Variants in STX18 observed in about 807,000 individuals in gnomAD.
STX18 encodes syntaxin 18, also known as syntaxin-18.
In STX18, 40 loss-of-function variants were observed where a neutral mutation model predicts 50.1. The ratio of observed to expected loss-of-function variants is 0.80; its 90% CI spans 0.62 to 1.04. The LOEUF is 1.04. Ranked by LOEUF, STX18 falls within the 50% of genes least tolerant of loss-of-function variation. The pLI is 0.00. For synonymous variants in STX18, 158 were observed against 151.8 expected, an observed-to-expected ratio of 1.04 and a Z score of -0.30; for missense variants, 410 against 415.8, an observed-to-expected ratio of 0.99 and a Z score of 0.12.
intron 1 of STX18, among the ~76,000 whole-genome samples, chr4:4,476,470 G>C (rs1728180929): frequency 7.9e-5 from 12 of 152,118 alleles, no homozygotes; most frequent in Admixed American, 6.5e-4. Context: ...AACCATTACG[G>C]GGAACTAGCA....
At chr4:4,477,837 A>C (rs553027218) in intron 1 of STX18, 1 of 152,290 alleles carries the variant, frequency 6.6e-6, no homozygotes, top group African/African-American at 2.4e-5. Context: ...ATCTCTATTC[A>C]ACATGCAGTA....
intron 2 of STX18, among the ~76,000 whole-genome samples, chr4:4,468,864 G>A (rs1727759155): frequency 6.6e-6 from 1 of 152,140 alleles, no homozygotes; most frequent in Non-Finnish European, 1.5e-5. Context: ...TAGTCTCAAA[G>A]TGGAAACAGC....
chr4:4,450,288 A>G (rs1230705309), intron 5 of STX18, among the ~76,000 whole-genome samples: 1 of 151,918 alleles, frequency 6.6e-6, no homozygotes, highest in Non-Finnish European at 1.5e-5. Context: ...TTCCCCTTTC[A>G]CTTCTCCTAT....
chr4:4,430,739 CCTT>C (rs2108779177), intron 7 of STX18, among the ~76,000 whole-genome samples: 1 of 152,274 alleles, frequency 6.6e-6, no homozygotes, highest in Non-Finnish European at 1.5e-5. Flanking sequence ...ATGGCAGTAT[CCTT>C]CTGGTGGGAG....
chr4:4,443,447 C>T (rs1726224331), intron 5 of STX18, among the ~76,000 whole-genome samples: 1 of 152,224 alleles, frequency 6.6e-6, no homozygotes, highest in African/African-American at 2.4e-5. Flanking sequence ...TAGCATCATA[C>T]TTTATGATGA....
intron 1 of STX18, among the ~76,000 whole-genome samples, chr4:4,486,589 G>A (rs1728709829): frequency 6.6e-6 from 1 of 152,070 alleles, no homozygotes; most frequent in East Asian, 1.9e-4. Flanking sequence ...GGTACCCCTA[G>A]GATTCCTCTT....
chr4:4,437,055 G>A (rs1225917573), intron 6 of STX18, among the ~76,000 whole-genome samples: 3 of 149,238 alleles, frequency 2.0e-5, no homozygotes, highest in Admixed American at 6.7e-5. Context: ...CGCCTCCCAG[G>A]TTCAAGTGAT....
At chr4:4,464,787 A>C (rs1727538833) in intron 2 of STX18, among the ~76,000 whole-genome samples, 1 of 151,434 alleles carries the variant, frequency 6.6e-6, no homozygotes, top group Admixed American at 6.6e-5. Context: ...GTTTATTTAA[A>C]TCTTCTCTCT....
intron 5 of STX18, among the ~76,000 whole-genome samples, chr4:4,445,076 G>T (rs1433714499): frequency 6.6e-6 from 1 of 152,052 alleles, no homozygotes; most frequent in Non-Finnish European, 1.5e-5. Flanking sequence ...TTCACATATG[G>T]TATGATTATG....
chr4:4,515,754 T>C (rs1730226489), intron 1 of STX18, among the ~76,000 whole-genome samples: 1 of 152,156 alleles, frequency 6.6e-6, no homozygotes, highest in Non-Finnish European at 1.5e-5. Flanking sequence ...TATTTTTTCC[T>C]AGCACATAAA....
Position 4,420,562 on chromosome 4 carries a change from G to A in STX18, c.912+302C>T, listed in dbSNP as rs1401629210. Reference sequence around the variant, plus strand: ...CTCTGACCCCTCGGTGGGGGCCAACGAGCTACCCATGTACATCCCTGGACA... The same window carrying A: ...CTCTGACCCCTCGGTGGGGGCCAACAAGCTACCCATGTACATCCCTGGACA... On this transcript the variant is annotated intron_variant, in intron 10 of 10. Transcript: ENST00000306200. The surrounding 1 kb of genome is among the most constrained non-coding windows in gnomAD (Gnocchi z 4.3). The A allele has an allele frequency of 4.7e-6, 2 of 428,642 alleles. No homozygotes were observed. The highest frequency in any genetic ancestry group is 4.3e-5 in the East Asian group (1 of 23,318). The allele number at this position is 428,642 out of a possible 1,614,324, so 26.6% of individuals were successfully genotyped here.
At chr4:4,451,083 G>A (rs1469348886) in intron 5 of STX18, among the ~76,000 whole-genome samples, 2 of 152,206 alleles carry the variant, frequency 1.3e-5, no homozygotes, top group Non-Finnish European at 2.9e-5. Context: ...TTGGGGGAAA[G>A]AAAGCAATTT....
chr4:4,503,137 T>C (rs1221851774), intron 1 of STX18, among the ~76,000 whole-genome samples: 1 of 152,192 alleles, frequency 6.6e-6, no homozygotes, highest in Non-Finnish European at 1.5e-5. Context: ...CGGCATGTAA[T>C]TCAGAGGAAG....
intron 7 of STX18, among the ~76,000 whole-genome samples, chr4:4,433,687 T>G (rs1023137981): frequency 6.6e-6 from 1 of 152,086 alleles, no homozygotes; most frequent in Non-Finnish European, 1.5e-5. Context: ...GTAGGTGGGG[T>G]TGCCGGGTCT....
At chr4:4,471,262 C>T (rs991102779) in intron 2 of STX18, among the ~76,000 whole-genome samples, 12 of 152,088 alleles carry the variant, frequency 7.9e-5, no homozygotes, top group Admixed American at 3.9e-4. Context: ...AGACTGGGAC[C>T]GCAAGAGATG....
At position 4,438,527 on chromosome 4, in the gene STX18, G is replaced by C. The variant is rs1560163949; in HGVS notation, c.498-18C>G. On this transcript the variant is annotated intron_variant, in intron 5 of 10. Coordinates refer to ENST00000306200, the MANE Select transcript of STX18 (RefSeq NM_016930.4). The stretch of plus-strand genomic sequence containing the variant: ...GCTTAGATCTAAAAATAAATAATTA[G>C]CAGGCAGGTATTTTATTTCCATAAC... The C allele has an allele frequency of 1.3e-6, 2 of 1,568,234 alleles. No homozygotes were observed. The highest frequency in any genetic ancestry group is 1.7e-6 in the Non-Finnish European group (2 of 1,143,594).
chr4:4,536,567 C>G (rs995731150), intron 1 of STX18, among the ~76,000 whole-genome samples: 21 of 152,066 alleles, frequency 1.4e-4, no homozygotes, highest in Admixed American at 1.3e-3. Flanking sequence ...TAGAGGGATG[C>G]AAAGGTTCTA....
rs1049810715 is a variant in STX18 at position 4,451,241 on chromosome 4, G to A, written c.497+5950C>T. On this transcript the variant is annotated intron_variant, in intron 5 of 10. Coordinates refer to ENST00000306200, the MANE Select transcript of STX18 (RefSeq NM_016930.4). ...AGGTCCCTTGCTTGAAAACCCTCAG[G>A]ATTTTATTTAAAATTTAAAGAGAAC... Among the ~76,000 whole-genome samples, 3 of 152,158 alleles carry A rather than the reference G, an allele frequency of 2.0e-5. No homozygotes were observed. The East Asian group carries it at 5.8e-4, about 29-fold the overall frequency.
intron 5 of STX18, among the ~76,000 whole-genome samples, chr4:4,439,240 C>T (rs1375352053): frequency 2.0e-5 from 2 of 100,518 alleles, no homozygotes; most frequent in Admixed American, 9.4e-5. Flanking sequence ...TACACACACA[C>T]CACATACATA....
Sources: gnomAD v4.1 joint callset for allele counts (sites outside exome capture counted in the v4.1 genomes callset) on GRCh38, gnomAD v4.1.1 for gene constraint, Gnocchi (gnomAD v3.1) non-coding constraint, MANE v1.5 for transcripts, NCBI Gene and HGNC (gene_info 2026-07-23, HGNC 2026-07-21) for gene names.